The following CACNA1A variants were observed in gnomAD, a reference collection of about 807,000 sequenced individuals.
The protein encoded by CACNA1A is calcium voltage-gated channel subunit alpha1 A.
Under a neutral mutation model 262.4 loss-of-function variants are expected in CACNA1A, and 57 were observed. The ratio of observed to expected loss-of-function variants is 0.22; its 90% CI spans 0.18 to 0.27. CACNA1A has a LOEUF of 0.27. Among genes scored for constraint, CACNA1A ranks in the 10% least tolerant of loss-of-function variants. The probability of loss-of-function intolerance (pLI) is 1.00; values close to 1 mark genes in which losing one functional copy is unlikely to be tolerated. For synonymous variants in CACNA1A, 1,431 were observed against 1,419.3 expected, an observed-to-expected ratio of 1.01 and a Z score of -0.18; for missense variants, 2,526 against 3,562.8, an observed-to-expected ratio of 0.71 and a Z score of 7.41.
Position 13,304,659 on chromosome 19 carries a change from C to CAAA in CACNA1A, c.1987-778_1987-776dup, listed in dbSNP as rs34159456. Reference sequence around the variant, plus strand: ...AGATTTTTTTTTGAGATTTTTGTCTCAAAAAAAAAAAAAAAAAAAGAACAG... The same window carrying CAAA: ...AGATTTTTTTTTGAGATTTTTGTCTCAAAAAAAAAAAAAAAAAAAAAAGAACAG... On this transcript the variant is annotated intron_variant, in intron 15 of 46. Transcript: ENST00000360228. Among the ~76,000 whole-genome samples the CAAA allele has an allele frequency of 5.5e-3, 566 of 103,416 alleles. 3 individuals carry two copies. Among genetic ancestry groups the CAAA allele is most frequent in the Non-Finnish European group, 8.4e-3 (442 of 52,574 alleles). The allele number at this position is 103,416 out of a possible 152,430, so 67.8% of individuals were successfully genotyped here.
In CACNA1A at chr19:13,207,335, T is replaced by G; in HGVS notation, c.7499A>C (p.Glu2500Ala). The G allele has an allele frequency of 6.4e-7, 1 of 1,561,954 alleles. No homozygotes were observed. Residue 2500 changes from glutamate (E) to alanine (A), a missense_variant, in exon 47 of 47, where the codon GAG becomes GCG. Transcript: ENST00000360228. This position sits in a 1 kb window ranked among gnomAD's most constrained non-coding sequence, Gnocchi z 5.7. ...GGCTTAGCACCAATCATCGTCACTC[T>G]CGCTGTAGGGTTCGTGCAGGCCCTT... ...SRKGLHEPYS[E>A]SDDDWC
intron 1 of CACNA1A, among the ~76,000 whole-genome samples, chr19:13,504,519 A>G (rs1004342252): frequency 8.6e-5 from 13 of 151,994 alleles, no homozygotes; most frequent in Non-Finnish European, 1.5e-4. Context: ...GAGTCCCTCT[A>G]CCACCCGCCA....
At chr19:13,434,408 T>G (rs1342704567) in intron 3 of CACNA1A, among the ~76,000 whole-genome samples, 1 of 152,216 alleles carries the variant, frequency 6.6e-6, no homozygotes, top group Non-Finnish European at 1.5e-5. Context: ...TTACTTTTAA[T>G]GTACTTTGGA....
chr19:13,206,943 TG>T lies in CACNA1A; in HGVS notation c.*369del, dbSNP rs1311102546. 6.6e-4 allele frequency: 46 copies of T among 69,766 alleles called. No homozygotes were observed. The highest frequency in any genetic ancestry group is 2.6e-3 in the East Asian group (6 of 2,288). 4.3% of individuals were successfully genotyped at this position (69,766 alleles called of 1,614,324 possible). The stretch of plus-strand genomic sequence containing the variant: ...TTCTCCCCGTTTTTTCTTTTAAAAA[TG>T]TTTTTTTTTTTTTTTTTTTTTTTTT... On this transcript the variant is annotated 3_prime_UTR_variant, in exon 47 of 47. Transcript: ENST00000360228.
At chr19:13,329,601 G>A (rs368982208) in intron 10 of CACNA1A, among the ~76,000 whole-genome samples, 75 of 146,212 alleles carry the variant, frequency 5.1e-4, no homozygotes, top group African/African-American at 1.9e-3. Flanking sequence ...TGATGCTCCC[G>A]CCTCAGCCTC....
intron 1 of CACNA1A, among the ~76,000 whole-genome samples, chr19:13,491,511 G>A (rs748005333): frequency 5.9e-5 from 9 of 152,210 alleles, no homozygotes; most frequent in African/African-American, 2.2e-4. Context: ...CAAGAAAAGG[G>A]CCTTTCCGTC....
At chr19:13,403,784 C>A (rs1034949176) in intron 3 of CACNA1A, among the ~76,000 whole-genome samples, 3 of 151,590 alleles carry the variant, frequency 2.0e-5, no homozygotes, top group African/African-American at 7.3e-5. Flanking sequence ...AACAAACAAA[C>A]AAACAAACAA....
chr19:13,469,652 G>T (rs1339592753), intron 1 of CACNA1A, among the ~76,000 whole-genome samples: 1 of 148,392 alleles, frequency 6.7e-6, no homozygotes, highest in Non-Finnish European at 1.5e-5. Context: ...GTAGAGACAG[G>T]GTTTCACCGT....
intron 3 of CACNA1A, among the ~76,000 whole-genome samples, chr19:13,383,410 T>C (rs1396230881): frequency 6.6e-6 from 1 of 152,154 alleles, no homozygotes; most frequent in Non-Finnish European, 1.5e-5. Flanking sequence ...AAGAACTGGG[T>C]TGTAGACATG....
intron 1 of CACNA1A, among the ~76,000 whole-genome samples, chr19:13,482,906 C>T (rs925307871): frequency 6.8e-6 from 1 of 147,902 alleles, no homozygotes; most frequent in Non-Finnish European, 1.5e-5. Context: ...CTTTGTGAGT[C>T]TCAGTCTCTC....
chr19:13,293,920 A>G (rs904515295), intron 19 of CACNA1A, among the ~76,000 whole-genome samples: 3 of 152,116 alleles, frequency 2.0e-5, no homozygotes, highest in African/African-American at 4.8e-5. Context: ...GCCTTTCACA[A>G]CCAGGCTTTG....
chr19:13,451,858 CT>C (rs34930003), intron 3 of CACNA1A: 21,016 of 140,412 alleles, frequency 0.15, 1,747 homozygotes, highest in African/African-American at 0.27. Flanking sequence ...TTATTTTGGA[CT>C]TTTTTTTTTC....
intron 3 of CACNA1A, among the ~76,000 whole-genome samples, chr19:13,374,378 G>T (rs2059370700): frequency 6.6e-6 from 1 of 152,124 alleles, no homozygotes; most frequent in East Asian, 1.9e-4. Context: ...CTCCTAAGCA[G>T]CTGGGACTAC....
Position 13,371,738 on chromosome 19 carries a change from A to G in CACNA1A, c.581T>C (p.Leu194Pro). 6.3e-7 allele frequency: 1 copy of G among 1,580,978 alleles called. No individual in the cohort carries two copies. The highest frequency in any genetic ancestry group is 1.8e-5 in the Admixed American group (1 of 54,858). Residue 194 changes from leucine to proline, a missense_variant, in exon 4 of 47, where the codon CTG (leucine) becomes CCG (proline). Physicochemically the swap from Leu to Pro is moderately conservative, Grantham distance 98. This residue lies in a region of CACNA1A where 77 missense variants were observed against 228.4 expected (regional missense o/e 0.34). Coordinates refer to ENST00000360228, the MANE Select transcript of CACNA1A (RefSeq NM_001127222.2). ...CGGCCGCAGCACTCGAACTGCCCTC[A>G]GCGTCCGTAGGTCAAACTCCGTCCC... ...TVGTEFDLRT[L>P]RAVRVLRPLK...
At chr19:13,411,907 G>A (rs979736939) in intron 3 of CACNA1A, among the ~76,000 whole-genome samples, 8 of 151,994 alleles carry the variant, frequency 5.3e-5, no homozygotes, top group Admixed American at 3.3e-4. Context: ...TAGAGACAGG[G>A]GTCTCACTAT....
intron 3 of CACNA1A, among the ~76,000 whole-genome samples, chr19:13,386,652 A>T (rs1568596420): frequency 6.6e-6 from 1 of 151,934 alleles, no homozygotes. Flanking sequence ...AATTAGCCGG[A>T]TGCAGTGGCA....
rs1491545630 is a variant in CACNA1A at position 13,413,894 on chromosome 19, A to AAAAGAAAAGAAAAG, written c.539+38981_539+38982insCTTTTCTTTTCTTT. 5.1e-3 allele frequency among the ~76,000 whole-genome samples: 443 copies of AAAAGAAAAGAAAAG among 86,786 alleles called. 16 individuals are homozygous for AAAAGAAAAGAAAAG. The highest frequency in any genetic ancestry group is 0.024 in the African/African-American group (398 of 16,790). The allele number at this position is 86,786 out of a possible 152,430, so 56.9% of individuals were successfully genotyped here. On this transcript the variant is annotated intron_variant, in intron 3 of 46. Coordinates refer to ENST00000360228, the MANE Select transcript of CACNA1A (RefSeq NM_001127222.2). Reference sequence around the variant, plus strand: ...AGACTCTGTCAAGAAAGAAAGAAAGAAAAAGAAAGAAAGAAAGAAAGAAAG... The same window carrying AAAAGAAAAGAAAAG: ...AGACTCTGTCAAGAAAGAAAGAAAGAAAAGAAAAGAAAAGAAAAGAAAGAAAGAAAGAAAGAAAG...
At chr19:13,351,303 T>C (rs9676969) in intron 6 of CACNA1A, among the ~76,000 whole-genome samples, 15,522 of 152,236 alleles carry the variant, frequency 0.1, 919 homozygotes, top group Admixed American at 0.17. Context: ...TTTTCATTTA[T>C]CTTGTGTATT....
intron 19 of CACNA1A, among the ~76,000 whole-genome samples, chr19:13,291,550 G>C (rs1161370313): frequency 2.0e-5 from 3 of 150,002 alleles, no homozygotes; most frequent in Admixed American, 6.7e-5. Context: ...TGTAATCCTA[G>C]CACTTTGGGA....
Sources: gnomAD v4.1 joint callset for allele counts (sites outside exome capture counted in the v4.1 genomes callset) on GRCh38, gnomAD v4.1.1 for gene constraint, gnomAD v4.1.1 regional missense constraint, Gnocchi (gnomAD v3.1) non-coding constraint, MANE v1.5 for transcripts, NCBI Gene and HGNC (gene_info 2026-07-23, HGNC 2026-07-21) for gene names.